Variants in SFMBT2 observed in about 807,000 individuals in gnomAD.
The protein encoded by SFMBT2 is scm-like with four MBT domains protein 2.
Under a neutral mutation model 110.1 loss-of-function variants are expected in SFMBT2, and 38 were observed. The ratio of observed to expected loss-of-function variants is 0.35; its 90% CI spans 0.27 to 0.45. The LOEUF is 0.45. SFMBT2 is among the 20% of genes least tolerant of loss of function. The pLI is 1.00. For missense variants in SFMBT2, 1,011 were observed against 1,094.9 expected (o/e 0.92, Z 1.08); for synonymous variants, 425 against 425.4 (o/e 1.00, Z 0.01).
At chr10:7,215,718 GC>G in intron 11 of SFMBT2, 1 of 985,452 alleles carries the variant, frequency 1.0e-6, no homozygotes, top group Non-Finnish European at 1.2e-6. Context: ...ATGAATTTAA[GC>G]CCACTGACTC....
intron 4 of SFMBT2, among the ~76,000 whole-genome samples, chr10:7,351,492 G>A (rs532147678): frequency 1.0e-3 from 153 of 152,190 alleles, no homozygotes; most frequent in Non-Finnish European, 1.7e-3. Flanking sequence ...AATACTGCAG[G>A]TCACAAAGTT....
At chr10:7,405,820 A>AC (rs1846193687) in intron 1 of SFMBT2, among the ~76,000 whole-genome samples, 1 of 114,586 alleles carries the variant, frequency 8.7e-6, no homozygotes, top group Non-Finnish European at 2.0e-5. Flanking sequence ...ACTAGGCCCG[A>AC]TTCCCCCCCC....
chr10:7,406,931 C>A (rs372980204), intron 1 of SFMBT2, among the ~76,000 whole-genome samples: 3 of 151,640 alleles, frequency 2.0e-5, no homozygotes, highest in East Asian at 3.9e-4. Flanking sequence ...CTGCACCGGC[C>A]CAAGAATGGG....
chr10:7,189,979 G>A (rs570679040), intron 15 of SFMBT2, among the ~76,000 whole-genome samples: 1 of 152,170 alleles, frequency 6.6e-6, no homozygotes, highest in Non-Finnish European at 1.5e-5. Context: ...AGCTTGGTTT[G>A]CACCCTGATT....
chr10:7,217,164 CA>C (rs1446184551), intron 11 of SFMBT2, among the ~76,000 whole-genome samples: 1 of 152,112 alleles, frequency 6.6e-6, no homozygotes, highest in Non-Finnish European at 1.5e-5. Flanking sequence ...TGGTGCCAGT[CA>C]GGGGCTGAGG....
intron 8 of SFMBT2, 63 bp downstream of exon 8, chr10:7,248,485 G>T: frequency 7.3e-7 from 1 of 1,376,238 alleles, no homozygotes; most frequent in Non-Finnish European, 1.0e-6. Context: ...TCGTCTTTGA[G>T]TTGAAAGGCT....
chr10:7,259,145 A>G (rs892357459), intron 7 of SFMBT2, among the ~76,000 whole-genome samples: 2 of 152,212 alleles, frequency 1.3e-5, no homozygotes, highest in Non-Finnish European at 2.9e-5. Flanking sequence ...CATGCTTCAC[A>G]GAAAGAAGCA....
intron 7 of SFMBT2, among the ~76,000 whole-genome samples, chr10:7,265,107 T>C (rs1453473520): frequency 6.6e-6 from 1 of 151,498 alleles, no homozygotes; most frequent in Non-Finnish European, 1.5e-5. Flanking sequence ...TTTAATTTTA[T>C]GTTTTGATTT....
At chr10:7,279,815 T>C (rs1368691059) in intron 6 of SFMBT2, among the ~76,000 whole-genome samples, 2 of 152,218 alleles carry the variant, frequency 1.3e-5, no homozygotes, top group Non-Finnish European at 2.9e-5. Flanking sequence ...AACAAAGACC[T>C]AGAGAAACAA....
chr10:7,271,305 A>G (rs1031765849), intron 7 of SFMBT2, among the ~76,000 whole-genome samples: 1 of 151,686 alleles, frequency 6.6e-6, no homozygotes, highest in African/African-American at 2.4e-5. Context: ...AAAAAAAAAA[A>G]AAAAAATTAA....
Position 7,367,081 on chromosome 10 carries a change from T to A in SFMBT2, c.436+568A>T, listed in dbSNP as rs77626242. 6.6e-6 allele frequency among the ~76,000 whole-genome samples: 1 copy of A among 151,814 alleles called. No homozygotes were observed. Among genetic ancestry groups the A allele is most frequent in the African/African-American group, 2.4e-5 (1 of 41,340 alleles). On this transcript the variant is annotated intron_variant, in intron 4 of 20. Transcript: ENST00000397167. This position sits in a 1 kb window ranked among gnomAD's most constrained non-coding sequence, Gnocchi z 6.2. ...TTTTCTTTCTTTCTTTTTTTTTTTT[T>A]AATTATACCTTAAGTTTTAGGGCAC...
At chr10:7,199,883 G>A (rs1041445492) in intron 14 of SFMBT2, among the ~76,000 whole-genome samples, 1 of 152,130 alleles carries the variant, frequency 6.6e-6, no homozygotes, top group Non-Finnish European at 1.5e-5. Flanking sequence ...CAGACTTGAT[G>A]GTCAGAGGGT....
At chr10:7,236,534 A>T (rs1208727635) in intron 9 of SFMBT2, among the ~76,000 whole-genome samples, 1 of 152,218 alleles carries the variant, frequency 6.6e-6, no homozygotes, top group Non-Finnish European at 1.5e-5. Context: ...ATCAAAGAGG[A>T]AACAGCAGAC....
intron 8 of SFMBT2, 61 bp from the exon 9 acceptor site, chr10:7,243,766 T>C: frequency 1.3e-6 from 1 of 780,540 alleles, no homozygotes; most frequent in South Asian, 1.5e-5. Context: ...ATAATGCTAG[T>C]ATAAAATAGT....
At chr10:7,228,733 TTCCTTTCTCTCTCTCTCTCTCTC>T (rs1564395366) in intron 9 of SFMBT2, among the ~76,000 whole-genome samples, 1,304 of 69,924 alleles carry the variant, frequency 0.019, 6 homozygotes, top group South Asian at 0.027. Flanking sequence ...CTTTCTTTCT[TTCCTTTCTCTCTCTCTCTCTCTC>T]TCTCTCTCTC....
At chr10:7,221,503 T>A (rs1455623785) in intron 10 of SFMBT2, among the ~76,000 whole-genome samples, 2 of 151,742 alleles carry the variant, frequency 1.3e-5, no homozygotes, top group African/African-American at 4.8e-5. Context: ...GAGGCAGAGG[T>A]TGCAGTGAGC....
chr10:7,300,195 A>C (rs117017505), intron 4 of SFMBT2, among the ~76,000 whole-genome samples: 1,740 of 152,078 alleles, frequency 0.011, 14 homozygotes, highest in Non-Finnish European at 0.021. Context: ...GGAACGGAGG[A>C]AACTTAAGAG....
intron 1 of SFMBT2, among the ~76,000 whole-genome samples, chr10:7,399,193 A>G (rs973080126): frequency 3.9e-5 from 6 of 152,086 alleles, no homozygotes; most frequent in Non-Finnish European, 8.8e-5. Flanking sequence ...CTACAACTGG[A>G]GTGCATAGAT....
chr10:7,253,009 A>T (rs1037994864), intron 7 of SFMBT2, among the ~76,000 whole-genome samples: 9 of 152,226 alleles, frequency 5.9e-5, no homozygotes, highest in Admixed American at 2.6e-4. Flanking sequence ...AGATTTAATC[A>T]ATCGTGCCTA....
Sources: gnomAD v4.1 joint callset for allele counts (sites outside exome capture counted in the v4.1 genomes callset) on GRCh38, gnomAD v4.1.1 for gene constraint, Gnocchi (gnomAD v3.1) non-coding constraint, MANE v1.5 for transcripts, NCBI Gene and HGNC (gene_info 2026-07-23, HGNC 2026-07-21) for gene names.